Variants in CSPP1 observed in about 807,000 individuals in gnomAD.
CSPP1 encodes the protein centrosome and spindle pole associated protein 1.
CSPP1 carries 126 observed loss-of-function variants against 164.4 expected under a neutral mutation model. The ratio of observed to expected loss-of-function variants is 0.77; its 90% CI spans 0.66 to 0.89. CSPP1 has a LOEUF of 0.89. CSPP1 is among the 40% of genes least tolerant of loss of function. CSPP1 has a pLI of 0.00. For synonymous variants in CSPP1, 472 were observed against 476.7 expected (o/e 0.99, Z 0.13); for missense variants, 1,395 against 1,449.8 (o/e 0.96, Z 0.61).
Position 67,092,348 on chromosome 8 carries a change from TG to T in CSPP1, c.384+466del, listed in dbSNP as rs555908917. On this transcript the variant is annotated intron_variant, in intron 5 of 30. Coordinates refer to ENST00000678616, the MANE Select transcript of CSPP1 (RefSeq NM_001382391.1). ...AAGTAATAAAGCACTGTACACCTCT[TG>T]TAGTGACTCAGGTCTCACCAGAGTA... Among the ~76,000 whole-genome samples, 985 of 152,300 alleles carry T rather than the reference TG, an allele frequency of 6.5e-3. 7 individuals carry two copies. The highest frequency in any genetic ancestry group is 0.023 in the African/African-American group (945 of 41,560).
chr8:67,117,259 G>T (rs758531580), intron 13 of CSPP1, among the ~76,000 whole-genome samples: 4 of 152,164 alleles, frequency 2.6e-5, no homozygotes, highest in Non-Finnish European at 4.4e-5. Flanking sequence ...TGTGAGGATG[G>T]TATAAGGTTT....
chr8:67,150,772 C>G (rs539559852), intron 18 of CSPP1, among the ~76,000 whole-genome samples: 2 of 151,868 alleles, frequency 1.3e-5, no homozygotes, highest in Non-Finnish European at 2.9e-5. Flanking sequence ...GAAAATTATT[C>G]AATTATCTTT....
intron 3 of CSPP1, among the ~76,000 whole-genome samples, chr8:67,080,439 C>A (rs1033955449): frequency 6.6e-6 from 1 of 152,188 alleles, no homozygotes; most frequent in Non-Finnish European, 1.5e-5. Flanking sequence ...GTGGCTCTTT[C>A]TACCACCATT....
At chr8:67,195,262 C>T (rs1353308972) in intron 30 of CSPP1, 120 bp from the exon 31 acceptor site, 1 of 745,836 alleles carries the variant, frequency 1.3e-6, no homozygotes, top group Non-Finnish European at 2.4e-6. Context: ...CAGTAGAGTT[C>T]AGGATATGAG....
intron 9 of CSPP1, among the ~76,000 whole-genome samples, chr8:67,108,260 G>A (rs1816052289): frequency 6.6e-6 from 1 of 151,846 alleles, no homozygotes; most frequent in African/African-American, 2.4e-5. Context: ...AAATTAACTG[G>A]GTGTGGTGGC....
At chr8:67,163,906 A>C in intron 23 of CSPP1, 108 bp downstream of exon 23, 1 of 822,036 alleles carries the variant, frequency 1.2e-6, no homozygotes, top group Non-Finnish European at 1.9e-6. Context: ...TAGAGCGGTT[A>C]GGTGCTGTGT....
At chr8:67,195,344 CTG>C in intron 30 of CSPP1, 36 bp from the exon 31 acceptor site, 2 of 1,382,908 alleles carry the variant, frequency 1.4e-6, no homozygotes, top group South Asian at 2.3e-5. Context: ...TGCCTGCCAC[CTG>C]TGTTACCTGA....
chr8:67,158,422 T>C (rs1318611927), intron 19 of CSPP1, 25 bp from the exon 20 acceptor site: 1 of 1,544,958 alleles, frequency 6.5e-7, no homozygotes, highest in Non-Finnish European at 8.8e-7. Context: ...TTTTACAAGA[T>C]AAATAACTAA....
intron 7 of CSPP1, among the ~76,000 whole-genome samples, chr8:67,097,386 A>C (rs534383816): frequency 6.6e-6 from 1 of 152,278 alleles, no homozygotes; most frequent in Admixed American, 6.5e-5. Context: ...AATTTGAATG[A>C]AGGATTAGAA....
intron 30 of CSPP1, 50 bp downstream of exon 30, chr8:67,193,652 A>AAACT (rs1298578632): frequency 2.0e-6 from 3 of 1,528,436 alleles, no homozygotes; most frequent in Non-Finnish European, 2.7e-6. Flanking sequence ...ATGAACTTTT[A>AAACT]AACTTTCTTA....
At chr8:67,103,839 C>CAAAA (rs757419585) in intron 8 of CSPP1, among the ~76,000 whole-genome samples, 1 of 59,716 alleles carries the variant, frequency 1.7e-5, no homozygotes, top group Non-Finnish European at 3.7e-5. Context: ...GACTCCCTCT[C>CAAAA]AAAAAAAAAA....
intron 1 of CSPP1, among the ~76,000 whole-genome samples, chr8:67,069,386 T>C (rs1806241082): frequency 6.6e-6 from 1 of 152,346 alleles, no homozygotes; most frequent in East Asian, 1.9e-4. Context: ...TGTTTAAAAG[T>C]ATGTTTTATT....
chr8:67,095,831 G>T, intron 7 of CSPP1, 99 bp downstream of exon 7: 1 of 706,548 alleles, frequency 1.4e-6, no homozygotes. Flanking sequence ...GGGAGAAGCA[G>T]TTTTGATTTA....
intron 21 of CSPP1, among the ~76,000 whole-genome samples, chr8:67,159,919 T>TC (rs1554605535): frequency 0.012 from 682 of 59,170 alleles, 7 homozygotes; most frequent in East Asian, 0.017. Flanking sequence ...TTTCTTTCTT[T>TC]CTTTCCTTTC....
At chr8:67,194,911 A>AAAT (rs1837510071) in intron 30 of CSPP1, among the ~76,000 whole-genome samples, 2 of 152,158 alleles carry the variant, frequency 1.3e-5, no homozygotes, top group Non-Finnish European at 2.9e-5. Flanking sequence ...TGTTTTCCCA[A>AAAT]AATAACTTAA....
intron 10 of CSPP1, among the ~76,000 whole-genome samples, chr8:67,113,055 CTAACACGG>C (rs1817192211): frequency 6.6e-6 from 1 of 152,132 alleles, no homozygotes; most frequent in South Asian, 2.1e-4. Context: ...ACCATCCTGG[CTAACACGG>C]TGAAACCCCG....
chr8:67,150,919 T>C (rs139634126), intron 18 of CSPP1, among the ~76,000 whole-genome samples: 1 of 152,386 alleles, frequency 6.6e-6, no homozygotes, highest in African/African-American at 2.4e-5. Flanking sequence ...TTCTACTTTG[T>C]GCTTTCACAG....
At chr8:67,143,484 A>G (rs1387460533) in intron 17 of CSPP1, among the ~76,000 whole-genome samples, 1 of 152,082 alleles carries the variant, frequency 6.6e-6, no homozygotes, top group African/African-American at 2.4e-5. Context: ...TGGCATTTTC[A>G]TTGGGATTCC....
intron 16 of CSPP1, among the ~76,000 whole-genome samples, chr8:67,136,348 G>A (rs949604083): frequency 1.3e-5 from 2 of 152,088 alleles, no homozygotes; most frequent in East Asian, 3.9e-4. Context: ...AAGGTGGGTG[G>A]ATCAGAGGTC....
Sources: allele counts gnomAD v4.1 joint callset (sites outside exome capture counted in the v4.1 genomes callset), GRCh38; gene constraint gnomAD v4.1.1; transcripts MANE v1.5; gene names NCBI Gene and HGNC (gene_info 2026-07-23, HGNC 2026-07-21).